TBX18: variants seen among roughly 807,000 people sequenced by gnomAD.
TBX18 encodes T-box transcription factor 18, also known as T-box transcription factor TBX18.
TBX18 carries 21 observed loss-of-function variants against 55.0 expected under a neutral mutation model. The observed-to-expected ratio is 0.38, with a 90% CI of 0.27 to 0.55. The LOEUF is 0.55. TBX18 is among the 20% of genes least tolerant of loss of function. TBX18 has a pLI of 0.73. For missense variants in TBX18, 840 were observed against 799.6 expected, an observed-to-expected ratio of 1.05 and a Z score of -0.61; for synonymous variants, 342 against 326.1, an observed-to-expected ratio of 1.05 and a Z score of -0.53.
Position 84,736,126 on chromosome 6 carries a change from A to G in TBX18, c.*559T>C, listed in dbSNP as rs1773933039. ...AGGTCATATAGTATGTGTGGTAAAT[A>G]ATAAGCAGGAATGAAAAAGCTGATC... On this transcript the variant is annotated 3_prime_UTR_variant, in exon 8 of 8. Coordinates refer to ENST00000369663, the MANE Select transcript of TBX18 (RefSeq NM_001080508.3). 1 of 152,588 alleles carries G rather than the reference A, an allele frequency of 6.6e-6. No homozygotes were observed. The allele number at this position is 152,588 out of a possible 1,614,324, so 9.5% of individuals were successfully genotyped here. A position where few individuals can be genotyped will look rare whatever the true frequency, so the allele number is the denominator to read the frequency against.
chr6:84,764,288 C>G lies in TBX18; in HGVS notation c.-107G>C. 2.3e-6 allele frequency: 3 copies of G among 1,319,302 alleles called. No individual in the cohort carries two copies. The highest frequency in any genetic ancestry group is 2.9e-6 in the Non-Finnish European group (3 of 1,025,548). 81.7% of individuals were successfully genotyped at this position (1,319,302 alleles called of 1,614,324 possible). A position where few individuals can be genotyped will look rare whatever the true frequency, so the allele number is the denominator to read the frequency against. The stretch of plus-strand genomic sequence containing the variant: ...AAACTAAAAGGCTCTCGGGGCCTCC[C>G]GAGATCTGCCCCCTTCCCCACCGCG... On this transcript the variant is annotated 5_prime_UTR_variant, in exon 1 of 8. Transcript: ENST00000369663.
intron 4 of TBX18, among the ~76,000 whole-genome samples, chr6:84,753,357 T>C (rs527314344): frequency 6.6e-6 from 1 of 151,682 alleles, no homozygotes; most frequent in East Asian, 1.9e-4. Context: ...ATTAATAAAG[T>C]CCCAGGTCTC....
intron 4 of TBX18, among the ~76,000 whole-genome samples, chr6:84,751,526 A>T (rs1250525692): frequency 6.6e-6 from 1 of 152,210 alleles, no homozygotes; most frequent in African/African-American, 2.4e-5. Flanking sequence ...ATGGAGAAAC[A>T]AGCCTCAGTT....
chr6:84,762,092 G>A (rs1361949597), intron 2 of TBX18, among the ~76,000 whole-genome samples: 3 of 151,920 alleles, frequency 2.0e-5, no homozygotes, highest in East Asian at 3.9e-4. Context: ...ATCTGCCTGG[G>A]AGTTTCAAAT....
rs370012077 is a variant in TBX18, at chr6:84,763,763, C to T, written c.292+127G>A. On this transcript the variant is annotated intron_variant, in intron 1 of 7. Coordinates refer to ENST00000369663, the MANE Select transcript of TBX18 (RefSeq NM_001080508.3). ...TGCGCGGCGAGCTTTGCGACTGACA[C>T]GGCCAATGCGCTAGTGGCTGAGTGG... 150 of 1,413,410 alleles carry T rather than the reference C, an allele frequency of 1.1e-4. No homozygotes were observed. In the East Asian group the frequency reaches 3.0e-3, roughly 28 times the overall value. 87.6% of individuals were successfully genotyped at this position (1,413,410 alleles called of 1,614,324 possible). A position where few individuals can be genotyped will look rare whatever the true frequency, so the allele number is the denominator to read the frequency against.
chr6:84,760,527 T>G (rs185149150), intron 2 of TBX18, among the ~76,000 whole-genome samples, 171 bp from the exon 3 acceptor site: 10 of 152,322 alleles, frequency 6.6e-5, no homozygotes, highest in Admixed American at 1.3e-4. Flanking sequence ...ATATCAGAAC[T>G]GAGATTTTTA....
Position 84,736,981 on chromosome 6 carries a change from T to A in TBX18, c.1528A>T (p.Thr510Ser). The A allele has an allele frequency of 1.9e-6, 3 of 1,611,654 alleles. No homozygotes were observed. The highest frequency in any genetic ancestry group is 2.5e-6 in the Non-Finnish European group (3 of 1,178,572). Residue 510 changes from threonine to serine, a missense_variant, in exon 8 of 8, where the codon ACT (threonine) becomes TCT (serine). Thr to Ser is a moderately conservative substitution (Grantham distance 58). Coordinates refer to ENST00000369663, the MANE Select transcript of TBX18 (RefSeq NM_001080508.3). ...MPSPSSNAFA[T>S]NQTHQGSYNT... Reference sequence around the variant, plus strand: ...TAGGAACCCTGATGGGTCTGGTTAGTGGCGAAGGCATTGCTGGAGGGTGAT... The same window carrying A: ...TAGGAACCCTGATGGGTCTGGTTAGAGGCGAAGGCATTGCTGGAGGGTGAT...
At chr6:84,755,285 T>C (rs955789767) in intron 4 of TBX18, among the ~76,000 whole-genome samples, 2 of 152,212 alleles carry the variant, frequency 1.3e-5, no homozygotes, top group East Asian at 1.9e-4. Flanking sequence ...TATATAGTTT[T>C]TATCCCCACT....
chr6:84,754,801 G>C lies in TBX18; in HGVS notation c.771+1897C>G, dbSNP rs558812559. On this transcript the variant is annotated intron_variant, in intron 4 of 7. Coordinates refer to ENST00000369663, the MANE Select transcript of TBX18 (RefSeq NM_001080508.3). ...TGGACTACCCTTCATAATGTGGGTA[G>C]GCTTCATCCAATCAGTTGAAGACTG... Among the ~76,000 whole-genome samples, 10 of 152,272 alleles carry C rather than the reference G, an allele frequency of 6.6e-5. No individual in the cohort carries two copies. In the South Asian group the frequency reaches 2.1e-3, roughly 32 times the overall value.
intron 4 of TBX18, among the ~76,000 whole-genome samples, chr6:84,749,415 C>A (rs191908820): frequency 1.3e-5 from 2 of 151,904 alleles, no homozygotes; most frequent in Non-Finnish European, 2.9e-5. Flanking sequence ...TGTCCTACAT[C>A]TGGAAAGTGT....
At chr6:84,751,783 C>G (rs781742048) in intron 4 of TBX18, among the ~76,000 whole-genome samples, 1 of 152,170 alleles carries the variant, frequency 6.6e-6, no homozygotes, top group Admixed American at 6.5e-5. Flanking sequence ...TCATTTGAGT[C>G]TACAGCTTTA....
At chr6:84,753,558 G>A (rs1223090719) in intron 4 of TBX18, among the ~76,000 whole-genome samples, 3 of 152,128 alleles carry the variant, frequency 2.0e-5, no homozygotes, top group Non-Finnish European at 4.4e-5. Flanking sequence ...GGTGGGCAGG[G>A]GCAGATGGGA....
Position 84,748,020 on chromosome 6 carries a change from TC to T in TBX18, c.838del (p.Asp280IlefsTer14), listed in dbSNP as rs1397968996. 1 of 1,613,568 alleles carries T rather than the reference TC, an allele frequency of 6.2e-7. No homozygotes were observed. Among genetic ancestry groups the T allele is most frequent in the African/African-American group, 1.3e-5 (1 of 75,046 alleles). ...TGGAACAGGCTTGATGGGAGAAAGATCGTCTCCACAGTCTTTACGGATGACG... is the reference window on the plus strand; with the variant it reads ...TGGAACAGGCTTGATGGGAGAAAGATGTCTCCACAGTCTTTACGGATGACG... ...VHVIRKDCGD[D>X]LSPIKPVPSG... On this transcript the variant is annotated frameshift_variant, in exon 5 of 8. Transcript: ENST00000369663. LOFTEE classifies it high-confidence loss of function.
At position 84,737,166 on chromosome 6, in the gene TBX18, G is replaced by T; in HGVS notation, c.1343C>A (p.Thr448Asn). 4 of 1,614,000 alleles carry T rather than the reference G, an allele frequency of 2.5e-6. No individual in the cohort carries two copies. The highest frequency in any genetic ancestry group is 3.4e-6 in the Non-Finnish European group (4 of 1,179,908). Residue 448 changes from threonine to asparagine, a missense_variant, in exon 8 of 8, where the codon ACC becomes AAC. Thr to Asn is a moderately conservative substitution (Grantham distance 65). Transcript: ENST00000369663. ...YNRLTNQAGE[T>N]FAPPRTPSYV... is the part of the protein sequence containing the mutation. The stretch of plus-strand genomic sequence containing the variant: ...GGAGGGAGTCCTGGGCGGGGCAAAG[G>T]TCTCACCAGCCTGGTTGGTGAGCCT...
chr6:84,763,219 A>C, intron 1 of TBX18: 1 of 367,170 alleles, frequency 2.7e-6, no homozygotes, highest in Non-Finnish European at 5.3e-6. Context: ...CTTAAGCCAT[A>C]AGCGTCTGCG....
rs1773875103 is a variant in TBX18, at chr6:84,734,108, G to A, written c.*2577C>T. Reference sequence around the variant, plus strand: ...GAATGTTTACTAGTCAAGGGGCATAGAAGTAATCTGTCATCACTAGTCAGT... The same window carrying A: ...GAATGTTTACTAGTCAAGGGGCATAAAAGTAATCTGTCATCACTAGTCAGT... On this transcript the variant is annotated 3_prime_UTR_variant, in exon 8 of 8. Coordinates refer to ENST00000369663, the MANE Select transcript of TBX18 (RefSeq NM_001080508.3). 1 of 152,200 alleles carries A rather than the reference G, an allele frequency of 6.6e-6. No homozygotes were observed. The highest frequency in any genetic ancestry group is 2.4e-5 in the African/African-American group (1 of 41,450). 9.4% of individuals were successfully genotyped at this position (152,200 alleles called of 1,614,324 possible). A position where few individuals can be genotyped will look rare whatever the true frequency, so the allele number is the denominator to read the frequency against.
At chr6:84,740,074 C>T (rs1444269406) in intron 6 of TBX18, among the ~76,000 whole-genome samples, 1 of 152,172 alleles carries the variant, frequency 6.6e-6, no homozygotes, top group African/African-American at 2.4e-5. Flanking sequence ...TCTTAAGTCA[C>T]AGGCTCTGGG....
intron 1 of TBX18, chr6:84,763,583 T>C: frequency 1.6e-6 from 1 of 633,628 alleles, no homozygotes; most frequent in Non-Finnish European, 2.9e-6. Context: ...ACCCATTGGC[T>C]GGAACCCCAA....
chr6:84,747,311 C>T (rs76732238), intron 5 of TBX18, among the ~76,000 whole-genome samples: 1 of 152,242 alleles, frequency 6.6e-6, no homozygotes, highest in Non-Finnish European at 1.5e-5. Flanking sequence ...CTAACTGACA[C>T]ATATAAACAT....
Sources: allele counts gnomAD v4.1 joint callset (sites outside exome capture counted in the v4.1 genomes callset), GRCh38; gene constraint gnomAD v4.1.1; transcripts MANE v1.5; gene names NCBI Gene and HGNC (gene_info 2026-07-23, HGNC 2026-07-21).